TRPM1: variants seen among roughly 807,000 people sequenced by gnomAD.
TRPM1 encodes TRPM1-203 APA Isoform, Intron 10.
In TRPM1, 113 loss-of-function variants were observed where a neutral mutation model predicts 149.4. That is an observed-to-expected ratio of 0.76 (90% confidence interval 0.65 to 0.88). The LOEUF is 0.88. Ranked by LOEUF, TRPM1 falls within the 40% of genes least tolerant of loss-of-function variation. The pLI is 0.00. For synonymous variants in TRPM1, 741 were observed against 759.5 expected (o/e 0.98, Z 0.40); for missense variants, 1,976 against 2,038.7 (o/e 0.97, Z 0.59).
At chr15:31,088,877 C>T (rs1015118738) in intron 1 of TRPM1, among the ~76,000 whole-genome samples, 29 of 152,126 alleles carry the variant, frequency 1.9e-4, no homozygotes, top group African/African-American at 6.0e-4. Context: ...ACATTTGGCC[C>T]CCCCGAGCGG....
intron 17 of TRPM1, among the ~76,000 whole-genome samples, chr15:31,041,519 G>A (rs913965747): frequency 7.2e-5 from 11 of 152,086 alleles, no homozygotes; most frequent in African/African-American, 1.9e-4. Flanking sequence ...GGGGAAGCAC[G>A]CCCAACTCCA....
At chr15:31,150,306 A>G (rs548144252) in intron 1 of TRPM1, among the ~76,000 whole-genome samples, 3 of 152,270 alleles carry the variant, frequency 2.0e-5, no homozygotes, top group African/African-American at 7.2e-5. Flanking sequence ...GGAGCTGGGC[A>G]TGCCCTCAGG....
rs749620911 is a variant in TRPM1, at chr15:31,070,147, T to A, written c.163A>T (p.Lys55Ter). The A allele has an allele frequency of 6.2e-7, 1 of 1,614,144 alleles. No individual in the cohort carries two copies. The highest frequency in any genetic ancestry group is 8.5e-7 in the Non-Finnish European group (1 of 1,179,964). Residue 55 changes from lysine to a stop codon, truncating the protein, a stop_gained, in exon 4 of 28, where the codon AAA becomes TAA. Coordinates refer to ENST00000256552, the MANE Select transcript of TRPM1 (RefSeq NM_001252024.2). LOFTEE classifies it high-confidence loss of function. ...TTCTCAGGCTGAGTCTCCACCTGTT[T>A]GCTTTCCTCTTCATTTTTGCTGGGT... ...ATPSKNEEES[K>*]QVETQPEKWS...
At position 31,046,485 on chromosome 15, in the gene TRPM1, C is replaced by T. The variant is rs59599181; in HGVS notation, c.1765-252G>A. ...TTCCAGGTAGAAACCGAGAAGTTCCCTAATAGACATGTAGAGAGCTGTGGG... is the reference window on the plus strand; with the variant it reads ...TTCCAGGTAGAAACCGAGAAGTTCCTTAATAGACATGTAGAGAGCTGTGGG... On this transcript the variant is annotated intron_variant, in intron 15 of 27. Transcript: ENST00000256552. 2.6e-5 allele frequency among the ~76,000 whole-genome samples: 4 copies of T among 152,238 alleles called. No individual in the cohort carries two copies. The East Asian group carries it at 7.7e-4, about 29-fold the overall frequency.
chr15:31,063,359 C>G (rs1312509156), intron 7 of TRPM1, 67 bp from the exon 8 acceptor site: 1 of 1,597,868 alleles, frequency 6.3e-7, no homozygotes, highest in Non-Finnish European at 8.6e-7. Flanking sequence ...CGTTTTAACT[C>G]CTGAAGTATG....
intron 1 of TRPM1, among the ~76,000 whole-genome samples, chr15:31,109,448 G>C (rs1293915941): frequency 2.6e-5 from 4 of 151,468 alleles, no homozygotes; most frequent in Non-Finnish European, 5.9e-5. Flanking sequence ...TGTAATCCCA[G>C]TACTTTGGGA....
At chr15:31,112,543 T>G (rs2035704549) in intron 1 of TRPM1, among the ~76,000 whole-genome samples, 1 of 152,128 alleles carries the variant, frequency 6.6e-6, no homozygotes, top group African/African-American at 2.4e-5. Flanking sequence ...TTAGCAGAGG[T>G]TTCTCCATCT....
At chr15:31,160,426 C>T (rs1302443227) in intron 1 of TRPM1, among the ~76,000 whole-genome samples, 1 of 152,196 alleles carries the variant, frequency 6.6e-6, no homozygotes, top group Non-Finnish European at 1.5e-5. Flanking sequence ...ATGCTGCTGC[C>T]TGCTTTCCTC....
At chr15:31,133,564 C>T (rs2036049374) in intron 1 of TRPM1, among the ~76,000 whole-genome samples, 1 of 152,128 alleles carries the variant, frequency 6.6e-6, no homozygotes, top group Non-Finnish European at 1.5e-5. Flanking sequence ...TGGCTGTAGT[C>T]CCAGCTAGTC....
Position 31,048,006 on chromosome 15 carries a change from T to C in TRPM1, c.1573-67A>G, listed in dbSNP as rs545518922. 307 of 1,377,760 alleles carry C rather than the reference T, an allele frequency of 2.2e-4. 6 individuals carry two copies. In the South Asian group the frequency reaches 3.4e-3, roughly 15 times the overall value. The allele number at this position is 1,377,760 out of a possible 1,614,324, so 85.3% of individuals were successfully genotyped here. A position where few individuals can be genotyped will look rare whatever the true frequency, so the allele number is the denominator to read the frequency against. On this transcript the variant is annotated intron_variant, in intron 13 of 27. Coordinates refer to ENST00000256552, the MANE Select transcript of TRPM1 (RefSeq NM_001252024.2). ...GGCCAGGCGCGGTGGCTCACGCCTGTAGTCCCAGCACTTTGGGAGGCCAAG... is the reference window on the plus strand; with the variant it reads ...GGCCAGGCGCGGTGGCTCACGCCTGCAGTCCCAGCACTTTGGGAGGCCAAG...
rs2278133 is a variant in TRPM1, at chr15:31,061,185, A to G, written c.1162+257T>C. Among the ~76,000 whole-genome samples the G allele has an allele frequency of 0.55, 84,089 of 152,186 alleles. 26,136 individuals carry two copies. Among genetic ancestry groups the G allele is most frequent in the East Asian group, 0.94 (4,882 of 5,184 alleles). On this transcript the variant is annotated intron_variant, in intron 10 of 27. Coordinates refer to ENST00000256552, the MANE Select transcript of TRPM1 (RefSeq NM_001252024.2). ...CTGATGTTTACACTCTAGGAGCTGA[A>G]GCCCTCAATGAACCAGTTACAAATA...
At chr15:31,148,908 C>A (rs1313286239) in intron 1 of TRPM1, among the ~76,000 whole-genome samples, 4 of 152,150 alleles carry the variant, frequency 2.6e-5, no homozygotes, top group Non-Finnish European at 5.9e-5. Context: ...AGGGTGGGCA[C>A]CAGGTCTCCT....
At chr15:31,142,373 G>A (rs748447488) in intron 1 of TRPM1, among the ~76,000 whole-genome samples, 14 of 152,150 alleles carry the variant, frequency 9.2e-5, no homozygotes, top group Non-Finnish European at 1.9e-4. Context: ...AAACAACAAG[G>A]TTTTTGTTTT....
At chr15:31,081,575 C>T in intron 1 of TRPM1, 137 bp from the exon 2 acceptor site, 1 of 622,858 alleles carries the variant, frequency 1.6e-6, no homozygotes, top group African/African-American at 1.8e-5. Context: ...TCCCTGACTC[C>T]CCATCTACCC....
intron 1 of TRPM1, among the ~76,000 whole-genome samples, chr15:31,136,003 T>C (rs1323019145): frequency 6.6e-6 from 1 of 152,176 alleles, no homozygotes; most frequent in African/African-American, 2.4e-5. Flanking sequence ...AGTTGCATAG[T>C]GATGAGAATT....
At chr15:31,156,259 G>C (rs1027814118) in intron 1 of TRPM1, among the ~76,000 whole-genome samples, 1 of 134,690 alleles carries the variant, frequency 7.4e-6, no homozygotes, top group Non-Finnish European at 1.6e-5. Flanking sequence ...ATGTTTCTTT[G>C]CCATATTTTG....
At chr15:31,017,744 T>G (rs2032415944) in intron 27 of TRPM1, among the ~76,000 whole-genome samples, 1 of 152,244 alleles carries the variant, frequency 6.6e-6, no homozygotes, top group Non-Finnish European at 1.5e-5. Flanking sequence ...TGAAGGTGGT[T>G]AAATGAAAAC....
chr15:31,010,406 TTTATAG>T (rs1299004230), intron 27 of TRPM1, among the ~76,000 whole-genome samples: 1 of 152,232 alleles, frequency 6.6e-6, no homozygotes, highest in Non-Finnish European at 1.5e-5. Context: ...CATGTGGGTC[TTTATAG>T]TTATAAATAT....
At chr15:31,052,039 T>C (rs1464386429) in intron 11 of TRPM1, among the ~76,000 whole-genome samples, 2 of 152,200 alleles carry the variant, frequency 1.3e-5, no homozygotes, top group Non-Finnish European at 2.9e-5. Context: ...ATTCTTGCCT[T>C]CTTCTTTGCC....
Sources: gnomAD v4.1 joint callset for allele counts (sites outside exome capture counted in the v4.1 genomes callset) on GRCh38, gnomAD v4.1.1 for gene constraint, MANE v1.5 for transcripts, NCBI Gene and HGNC (gene_info 2026-07-23, HGNC 2026-07-21) for gene names.